CAMKMT: variants seen among roughly 807,000 people sequenced by gnomAD.
CAMKMT encodes the protein CaM KMT.
CAMKMT carries 53 observed loss-of-function variants against 48.0 expected under a neutral mutation model. The observed-to-expected ratio is 1.10, with a 90% CI of 0.89 to 1.39. The LOEUF is 1.39. Among genes scored for constraint, CAMKMT ranks in the 40% most tolerant of loss-of-function variants. The probability of loss-of-function intolerance (pLI) is 0.00; values close to 1 mark genes in which losing one functional copy is unlikely to be tolerated. For missense variants in CAMKMT, 428 were observed against 402.7 expected (o/e 1.06, Z -0.54); for synonymous variants, 165 against 152.3 (o/e 1.08, Z -0.61).
intron 3 of CAMKMT, among the ~76,000 whole-genome samples, chr2:44,399,591 C>G (rs188138700): frequency 7.6e-4 from 116 of 151,730 alleles, no homozygotes; most frequent in African/African-American, 2.7e-3. Flanking sequence ...CACATTGCTA[C>G]TGGTTCTACA....
At chr2:44,482,387 A>T (rs887134791) in intron 3 of CAMKMT, among the ~76,000 whole-genome samples, 2 of 152,144 alleles carry the variant, frequency 1.3e-5, no homozygotes, top group South Asian at 4.1e-4. Context: ...CAGGAGGTCT[A>T]TTGGAATCTT....
At chr2:44,668,893 T>C (rs938078815) in intron 3 of CAMKMT, among the ~76,000 whole-genome samples, 29 of 152,068 alleles carry the variant, frequency 1.9e-4, no homozygotes, top group Non-Finnish European at 3.8e-4. Context: ...GCAATTCTTA[T>C]GCCTCAGCCT....
intron 3 of CAMKMT, among the ~76,000 whole-genome samples, chr2:44,436,333 C>A (rs1666250438): frequency 6.6e-6 from 1 of 152,118 alleles, no homozygotes; most frequent in Non-Finnish European, 1.5e-5. Flanking sequence ...CCACCTCAGC[C>A]TCCCAAAGTG....
At chr2:44,382,742 G>A (rs566685307) in intron 2 of CAMKMT, among the ~76,000 whole-genome samples, 253 of 152,262 alleles carry the variant, frequency 1.7e-3, no homozygotes, top group African/African-American at 5.7e-3. Context: ...GCCTCCCAAA[G>A]TGCTGGGATT....
chr2:44,457,003 CATAAAG>C (rs1667597780), intron 3 of CAMKMT: 3 of 160,036 alleles, frequency 1.9e-5, no homozygotes, highest in African/African-American at 7.2e-5. Flanking sequence ...TAGCATTCAT[CATAAAG>C]ATAGTTGAAT....
chr2:44,428,027 G>T (rs1684395280), intron 3 of CAMKMT, among the ~76,000 whole-genome samples: 1 of 152,182 alleles, frequency 6.6e-6, no homozygotes, highest in South Asian at 2.1e-4. Flanking sequence ...GCCCCTAAGG[G>T]TGTGTGTTAC....
At chr2:44,768,454 C>T (rs1206887084) in intron 10 of CAMKMT, among the ~76,000 whole-genome samples, 1 of 151,510 alleles carries the variant, frequency 6.6e-6, no homozygotes, top group African/African-American at 2.4e-5. Context: ...CTGTACCTGC[C>T]CCAGCAGCGG....
intron 3 of CAMKMT, among the ~76,000 whole-genome samples, chr2:44,686,444 CGTTTA>C (rs1464615916): frequency 6.6e-6 from 1 of 151,776 alleles, no homozygotes; most frequent in African/African-American, 2.4e-5. Context: ...AACAAACCCT[CGTTTA>C]GTTCATAGTA....
At chr2:44,437,073 A>G (rs748867671) in intron 3 of CAMKMT, among the ~76,000 whole-genome samples, 1 of 152,116 alleles carries the variant, frequency 6.6e-6, no homozygotes, top group Non-Finnish European at 1.5e-5. Context: ...CCTCCTTGAT[A>G]TTTGAGTGCT....
chr2:44,381,733 T>C (rs1482966945), intron 2 of CAMKMT, among the ~76,000 whole-genome samples: 1 of 152,164 alleles, frequency 6.6e-6, no homozygotes, highest in East Asian at 1.9e-4. Flanking sequence ...CAAAACAATA[T>C]GGACAAGTGC....
In CAMKMT at chr2:44,529,508, A is replaced by G. The variant is rs189792912; in HGVS notation, c.376+139203A>G. ...TTAGTGTGGTTATCTAAGACAGTCTATGATACTCTAAGGAATGAATACATG... is the reference window on the plus strand; with the variant it reads ...TTAGTGTGGTTATCTAAGACAGTCTGTGATACTCTAAGGAATGAATACATG... On this transcript the variant is annotated intron_variant, in intron 3 of 10. Coordinates refer to ENST00000378494, the MANE Select transcript of CAMKMT (RefSeq NM_024766.5). Among the ~76,000 whole-genome samples the G allele has an allele frequency of 8.9e-4, 135 of 152,310 alleles. 1 individual carries two copies. The highest frequency in any genetic ancestry group is 6.8e-3 in the Middle Eastern group (2 of 294).
chr2:44,416,864 C>T (rs565788473), intron 3 of CAMKMT, among the ~76,000 whole-genome samples: 26 of 152,064 alleles, frequency 1.7e-4, no homozygotes, highest in Admixed American at 5.9e-4. Context: ...TGTGAGCCAC[C>T]GCACCTGGCC....
intron 7 of CAMKMT, among the ~76,000 whole-genome samples, chr2:44,737,876 G>C (rs1478512121): frequency 9.2e-6 from 1 of 108,918 alleles, no homozygotes. Flanking sequence ...TTTTTTTCTT[G>C]AGATGGAGTC....
intron 3 of CAMKMT, among the ~76,000 whole-genome samples, chr2:44,577,042 G>A (rs1228438958): frequency 6.6e-6 from 1 of 152,134 alleles, no homozygotes; most frequent in Admixed American, 6.6e-5. Flanking sequence ...TTTCAAATCT[G>A]CACTATCTTC....
chr2:44,676,968 C>T (rs1367667584), intron 3 of CAMKMT, among the ~76,000 whole-genome samples: 1 of 152,020 alleles, frequency 6.6e-6, no homozygotes, highest in African/African-American at 2.4e-5. Context: ...GGAAACAAAC[C>T]ACTGTATTTT....
At chr2:44,636,247 T>G (rs1413724861) in intron 3 of CAMKMT, among the ~76,000 whole-genome samples, 1 of 152,180 alleles carries the variant, frequency 6.6e-6, no homozygotes, top group Non-Finnish European at 1.5e-5. Context: ...TGGTACAGGA[T>G]AGCAGAGACA....
intron 3 of CAMKMT, among the ~76,000 whole-genome samples, chr2:44,665,734 C>T (rs1289485236): frequency 6.6e-6 from 1 of 152,186 alleles, no homozygotes; most frequent in African/African-American, 2.4e-5. Context: ...TATTGTCTTA[C>T]ATTTATATTC....
At chr2:44,407,343 GC>G (rs1173740915) in intron 3 of CAMKMT, among the ~76,000 whole-genome samples, 1 of 152,132 alleles carries the variant, frequency 6.6e-6, no homozygotes, top group East Asian at 1.9e-4. Context: ...GGCCTGGAGG[GC>G]TCATTCTTGG....
chr2:44,500,196 A>C (rs1306830406), intron 3 of CAMKMT, among the ~76,000 whole-genome samples: 1 of 152,130 alleles, frequency 6.6e-6, no homozygotes, highest in Non-Finnish European at 1.5e-5. Flanking sequence ...TCTAGTTCTC[A>C]CTAGGGTTTT....
Sources: gnomAD v4.1 joint callset for allele counts (sites outside exome capture counted in the v4.1 genomes callset) on GRCh38, gnomAD v4.1.1 for gene constraint, MANE v1.5 for transcripts, NCBI Gene and HGNC (gene_info 2026-07-23, HGNC 2026-07-21) for gene names.